GUCY1A2: variants seen among roughly 807,000 people sequenced by gnomAD.
GUCY1A2 encodes guanylate cyclase soluble subunit alpha-2.
In GUCY1A2, 27 loss-of-function variants were observed where a neutral mutation model predicts 63.5. The ratio of observed to expected loss-of-function variants is 0.43; its 90% CI spans 0.31 to 0.59. The LOEUF (loss-of-function observed/expected upper bound fraction) is 0.59, where lower values mean the gene tolerates loss of function less well. Ranked by LOEUF, GUCY1A2 falls within the 20% of genes least tolerant of loss-of-function variation. The pLI is 0.11. For synonymous variants in GUCY1A2, 364 were observed against 343.5 expected (o/e 1.06, Z -0.66); for missense variants, 768 against 913.3 (o/e 0.84, Z 2.05).
intron 4 of GUCY1A2, among the ~76,000 whole-genome samples, chr11:106,916,337 A>G (rs1430080452): frequency 6.2e-5 from 9 of 145,556 alleles, no homozygotes; most frequent in African/African-American, 2.2e-4. Context: ...ATCAGTCTAT[A>G]TATGTAAAAC....
intron 4 of GUCY1A2, among the ~76,000 whole-genome samples, chr11:106,890,265 G>A (rs1167050840): frequency 1.3e-5 from 2 of 152,130 alleles, no homozygotes; most frequent in Non-Finnish European, 2.9e-5. Flanking sequence ...CTAGTCTTAA[G>A]TGCACTTGTA....
At chr11:106,952,867 T>G (rs1426097692) in intron 3 of GUCY1A2, among the ~76,000 whole-genome samples, 1 of 152,114 alleles carries the variant, frequency 6.6e-6, no homozygotes, top group Non-Finnish European at 1.5e-5. Flanking sequence ...CTCGAACTCC[T>G]GACCTCAGGT....
At chr11:106,762,213 C>T (rs1864077540) in intron 6 of GUCY1A2, among the ~76,000 whole-genome samples, 1 of 151,880 alleles carries the variant, frequency 6.6e-6, no homozygotes, top group South Asian at 2.1e-4. Context: ...TTATTAAAAA[C>T]CTGGAAGTCA....
intron 4 of GUCY1A2, among the ~76,000 whole-genome samples, chr11:106,853,067 T>A (rs1262310064): frequency 1.3e-5 from 2 of 152,218 alleles, no homozygotes; most frequent in Non-Finnish European, 2.9e-5. Flanking sequence ...TTGCTGTTTG[T>A]AGAATTCTCT....
rs1862499194 is a variant in GUCY1A2 at position 106,684,999 on chromosome 11, C to T, written c.*2550G>A. ...TGTGATTGAAGTTTGAATGAACAGACATTTTATATAGTACCTCATAAACAT... is the reference window on the plus strand; with the variant it reads ...TGTGATTGAAGTTTGAATGAACAGATATTTTATATAGTACCTCATAAACAT... On this transcript the variant is annotated 3_prime_UTR_variant, in exon 8 of 8. Transcript: ENST00000526355. 1 of 204,554 alleles carries T rather than the reference C, an allele frequency of 4.9e-6. No individual in the cohort carries two copies. The highest frequency in any genetic ancestry group is 1.0e-5 in the Non-Finnish European group (1 of 100,040). 12.7% of individuals were successfully genotyped at this position (204,554 alleles called of 1,614,324 possible).
At chr11:106,827,403 A>T in intron 4 of GUCY1A2, 2 of 1,516,040 alleles carry the variant, frequency 1.3e-6, no homozygotes, top group South Asian at 1.1e-5. Context: ...CTTCAATTTC[A>T]TACACTAACT....
chr11:106,982,486 A>G (rs1212630802), intron 2 of GUCY1A2, among the ~76,000 whole-genome samples: 2 of 152,168 alleles, frequency 1.3e-5, no homozygotes, highest in African/African-American at 4.8e-5. Flanking sequence ...AGACAGTGCT[A>G]TGGGAACAAG....
intron 6 of GUCY1A2, among the ~76,000 whole-genome samples, chr11:106,767,683 T>G (rs2135396300): frequency 6.6e-6 from 1 of 152,210 alleles, no homozygotes; most frequent in African/African-American, 2.4e-5. Context: ...TGCTGATATC[T>G]TACAGAGGAA....
intron 1 of GUCY1A2, among the ~76,000 whole-genome samples, chr11:107,002,036 G>T (rs1436101154): frequency 6.6e-6 from 1 of 151,038 alleles, no homozygotes; most frequent in East Asian, 1.9e-4. Context: ...AAAAAAAATT[G>T]TTGCCCAACC....
intron 4 of GUCY1A2, among the ~76,000 whole-genome samples, chr11:106,868,397 C>A (rs1859625149): frequency 6.6e-6 from 1 of 152,238 alleles, no homozygotes; most frequent in Non-Finnish European, 1.5e-5. Flanking sequence ...TGATAAGCAA[C>A]TTCAGCAAAG....
At chr11:106,895,582 T>C (rs10431057) in intron 4 of GUCY1A2, among the ~76,000 whole-genome samples, 6,383 of 152,230 alleles carry the variant, frequency 0.042, 667 homozygotes, top group East Asian at 0.3. Flanking sequence ...CCAGCTGCCA[T>C]GTAAGACATA....
intron 7 of GUCY1A2, among the ~76,000 whole-genome samples, chr11:106,700,771 T>C (rs1454371593): frequency 6.6e-6 from 1 of 151,814 alleles, no homozygotes; most frequent in Admixed American, 6.6e-5. Flanking sequence ...AAATATCAAA[T>C]CACTAGTGCA....
At chr11:106,808,573 A>G (rs1343520659) in intron 5 of GUCY1A2, among the ~76,000 whole-genome samples, 1 of 152,106 alleles carries the variant, frequency 6.6e-6, no homozygotes. Flanking sequence ...TTTTTTCCAG[A>G]GAATAATTTA....
intron 4 of GUCY1A2, chr11:106,827,211 T>C: frequency 6.6e-7 from 1 of 1,523,156 alleles, no homozygotes; most frequent in African/African-American, 1.4e-5. Context: ...CTACATTATC[T>C]GATTTAGATT....
chr11:106,881,673 G>T (rs573385216), intron 4 of GUCY1A2, among the ~76,000 whole-genome samples: 1 of 151,918 alleles, frequency 6.6e-6, no homozygotes, highest in Non-Finnish European at 1.5e-5. Flanking sequence ...CTCCCCAGAG[G>T]TAATCCACAG....
chr11:106,767,520 C>T (rs1171449695), intron 6 of GUCY1A2, among the ~76,000 whole-genome samples: 1 of 151,996 alleles, frequency 6.6e-6, no homozygotes, highest in Admixed American at 6.6e-5. Context: ...GCCTGATAGA[C>T]TATTTTATAG....
chr11:106,871,143 G>A (rs1340133064), intron 4 of GUCY1A2, among the ~76,000 whole-genome samples: 1 of 152,028 alleles, frequency 6.6e-6, no homozygotes, highest in Non-Finnish European at 1.5e-5. Context: ...TAAACTTAGA[G>A]GAACATTAAA....
intron 1 of GUCY1A2, among the ~76,000 whole-genome samples, chr11:106,990,267 T>C (rs894470952): frequency 6.6e-6 from 1 of 152,172 alleles, no homozygotes; most frequent in Non-Finnish European, 1.5e-5. Flanking sequence ...AAAGCCTCCA[T>C]CATATGGCGG....
intron 6 of GUCY1A2, among the ~76,000 whole-genome samples, chr11:106,713,496 C>CTTTT (rs143909145): frequency 1.3e-4 from 10 of 78,394 alleles, no homozygotes; most frequent in Admixed American, 1.7e-4. Flanking sequence ...TAGTATGTTT[C>CTTTT]TTTTTTTTTT....
Sources: allele counts gnomAD v4.1 joint callset (sites outside exome capture counted in the v4.1 genomes callset), GRCh38; gene constraint gnomAD v4.1.1; transcripts MANE v1.5; gene names NCBI Gene and HGNC (gene_info 2026-07-23, HGNC 2026-07-21).